The following FAM13A variants were observed in gnomAD, a reference collection of about 807,000 sequenced individuals.
FAM13A encodes the protein protein FAM13A.
A neutral mutation model predicts 129.6 loss-of-function variants in FAM13A; 76 were observed. That is an observed-to-expected ratio of 0.59 (90% CI 0.49 to 0.71). The LOEUF is 0.71. FAM13A is among the 30% of genes least tolerant of loss of function. The pLI is 0.00. For missense variants in FAM13A, 1,108 were observed against 1,249.3 expected, an observed-to-expected ratio of 0.89 and a Z score of 1.70; for synonymous variants, 443 against 449.9, an observed-to-expected ratio of 0.98 and a Z score of 0.20.
At chr4:88,930,925 C>T (rs556230823) in intron 5 of FAM13A, among the ~76,000 whole-genome samples, 14 of 152,280 alleles carry the variant, frequency 9.2e-5, no homozygotes, top group African/African-American at 3.4e-4. Flanking sequence ...TCTTTCCTGT[C>T]CTTCCCATGG....
At chr4:88,736,033 G>A (rs1738913338) in intron 21 of FAM13A, among the ~76,000 whole-genome samples, 1 of 152,064 alleles carries the variant, frequency 6.6e-6, no homozygotes, top group East Asian at 1.9e-4. Flanking sequence ...AGAGAAACAT[G>A]CTAATTTTCA....
chr4:88,878,151 G>C (rs1238708267), intron 6 of FAM13A, among the ~76,000 whole-genome samples: 1 of 151,894 alleles, frequency 6.6e-6, no homozygotes, highest in Non-Finnish European at 1.5e-5. Context: ...TTAGCCAGGC[G>C]TGGTGGCGGG....
intron 6 of FAM13A, among the ~76,000 whole-genome samples, chr4:88,866,634 T>G (rs1740510360): frequency 6.6e-6 from 1 of 152,126 alleles, no homozygotes; most frequent in South Asian, 2.1e-4. Context: ...TCAATTCCAA[T>G]GGAAATCAGG....
intron 4 of FAM13A, among the ~76,000 whole-genome samples, chr4:88,980,495 G>A (rs1761512996): frequency 6.6e-6 from 1 of 152,222 alleles, no homozygotes; most frequent in East Asian, 1.9e-4. Flanking sequence ...TGCTACATAG[G>A]GCTAGTGCAG....
At chr4:88,949,452 G>GA (rs961077254) in intron 4 of FAM13A, among the ~76,000 whole-genome samples, 27 of 150,718 alleles carry the variant, frequency 1.8e-4, no homozygotes, top group African/African-American at 5.4e-4. Flanking sequence ...GCCAGAAAAA[G>GA]AAAAAAAAAT....
At chr4:89,020,406 C>A (rs568200717) in intron 3 of FAM13A, 54 bp downstream of exon 3, 1 of 1,346,478 alleles carries the variant, frequency 7.4e-7, no homozygotes, top group African/African-American at 1.4e-5. Context: ...TGTGGGCCAC[C>A]GTGCCCAGCC....
intron 6 of FAM13A, chr4:88,855,427 A>C (rs1314590354): frequency 6.6e-6 from 1 of 152,188 alleles, no homozygotes; most frequent in African/African-American, 2.4e-5. Context: ...ATCATACGTA[A>C]ATTATGGCAT....
At chr4:88,855,417 A>G (rs1318696499) in intron 6 of FAM13A, 1 of 152,166 alleles carries the variant, frequency 6.6e-6, no homozygotes, top group Non-Finnish European at 1.5e-5. Flanking sequence ...CCAAATTACT[A>G]TCATACGTAA....
At chr4:88,929,130 C>T (rs575504372) in intron 5 of FAM13A, among the ~76,000 whole-genome samples, 102 of 152,130 alleles carry the variant, frequency 6.7e-4, no homozygotes, top group African/African-American at 2.4e-3. Context: ...CTTTAGTTCT[C>T]CTTCATCTAT....
intron 20 of FAM13A, 68 bp downstream of exon 20, chr4:88,738,962 A>C: frequency 2.7e-3 from 2,034 of 766,044 alleles, no homozygotes; most frequent in Non-Finnish European, 4.2e-3. Flanking sequence ...TTAGGGCCCT[A>C]TTCATATATC....
intron 6 of FAM13A, among the ~76,000 whole-genome samples, chr4:88,859,434 A>C (rs531060685): frequency 1.3e-5 from 2 of 152,138 alleles, no homozygotes; most frequent in Non-Finnish European, 2.9e-5. Context: ...AAGGAAGAAC[A>C]CTGTGGGCCC....
At chr4:88,962,586 G>A (rs1758777691) in intron 4 of FAM13A, among the ~76,000 whole-genome samples, 1 of 152,186 alleles carries the variant, frequency 6.6e-6, no homozygotes, top group African/African-American at 2.4e-5. Context: ...TATCAACCAG[G>A]AGTCACTGCT....
chr4:88,933,730 C>T (rs956411252), intron 5 of FAM13A, among the ~76,000 whole-genome samples: 1 of 152,070 alleles, frequency 6.6e-6, no homozygotes, highest in Non-Finnish European at 1.5e-5. Context: ...TCATCCATGC[C>T]CAATTTACCA....
chr4:88,876,871 G>T (rs571085924), intron 6 of FAM13A, among the ~76,000 whole-genome samples: 1 of 152,186 alleles, frequency 6.6e-6, no homozygotes, highest in Non-Finnish European at 1.5e-5. Context: ...GATTACAGGC[G>T]TGAGCCACCG....
chr4:88,856,985 C>T (rs149710773), intron 6 of FAM13A, among the ~76,000 whole-genome samples: 1 of 152,228 alleles, frequency 6.6e-6, no homozygotes, highest in East Asian at 1.9e-4. Flanking sequence ...ATTTAGCTTT[C>T]CAAAAAAGAG....
At chr4:88,805,151 C>A (rs1294380917) in intron 7 of FAM13A, 99 bp from the exon 8 acceptor site, 2 of 698,336 alleles carry the variant, frequency 2.9e-6, no homozygotes, top group Non-Finnish European at 5.1e-6. Context: ...TGATTTAGCA[C>A]ATTAAAGCCA....
intron 7 of FAM13A, among the ~76,000 whole-genome samples, chr4:88,829,256 A>AGG (rs1733511774): frequency 6.6e-6 from 1 of 152,220 alleles, no homozygotes; most frequent in Admixed American, 6.5e-5. Flanking sequence ...AGCCTAAGCA[A>AGG]CATAGTGAGA....
chr4:88,810,953 G>A (rs1028603519), intron 7 of FAM13A, among the ~76,000 whole-genome samples: 3 of 152,036 alleles, frequency 2.0e-5, no homozygotes, highest in African/African-American at 7.2e-5. Context: ...CCACTAATAG[G>A]TCATGACCCA....
At chr4:88,756,956 CAA>C (rs1743774124) in intron 14 of FAM13A, among the ~76,000 whole-genome samples, 1 of 151,754 alleles carries the variant, frequency 6.6e-6, no homozygotes, top group Non-Finnish European at 1.5e-5. Flanking sequence ...AAAACAAAAA[CAA>C]AAAGTTAAAG....
Sources: allele counts gnomAD v4.1 joint callset (sites outside exome capture counted in the v4.1 genomes callset), GRCh38; gene constraint gnomAD v4.1.1; transcripts MANE v1.5; gene names NCBI Gene and HGNC (gene_info 2026-07-23, HGNC 2026-07-21).